The following NAV2 variants were observed in gnomAD, a reference collection of about 807,000 sequenced individuals.
NAV2 encodes the protein neuron navigator 2, also known as helicase, APC down-regulated 1.
In NAV2, 54 loss-of-function variants were observed where a neutral mutation model predicts 223.2. That is an observed-to-expected ratio of 0.24 (90% CI 0.19 to 0.30). The LOEUF (loss-of-function observed/expected upper bound fraction) is 0.30, where lower values mean the gene tolerates loss of function less well. Among genes scored for constraint, NAV2 ranks in the 10% least tolerant of loss-of-function variants. The pLI is 1.00. For missense variants in NAV2, 2,806 were observed against 3,147.5 expected (o/e 0.89, Z 2.60); for synonymous variants, 1,279 against 1,239.3 (o/e 1.03, Z -0.67).
intron 1 of NAV2, among the ~76,000 whole-genome samples, chr11:19,759,058 A>G (rs11025243): frequency 0.1 from 15,241 of 151,056 alleles, 871 homozygotes; most frequent in South Asian, 0.15. Context: ...ATTGATCAGA[A>G]TGAAATCATA....
intron 1 of NAV2, among the ~76,000 whole-genome samples, chr11:19,707,036 A>AT (rs2049685754): frequency 6.6e-6 from 1 of 152,294 alleles, no homozygotes; most frequent in African/African-American, 2.4e-5. Context: ...AGTATAAAAG[A>AT]TTTTTTTAAA....
At chr11:19,647,292 C>T (rs1355554284) in intron 1 of NAV2, among the ~76,000 whole-genome samples, 2 of 152,254 alleles carry the variant, frequency 1.3e-5, no homozygotes, top group East Asian at 1.9e-4. Context: ...TCAGTTGATG[C>T]CACCATGGAA....
chr11:19,429,753 CA>C (rs1241321916), intron 1 of NAV2, among the ~76,000 whole-genome samples: 1 of 152,200 alleles, frequency 6.6e-6, no homozygotes, highest in Non-Finnish European at 1.5e-5. Context: ...CTCCATTTGA[CA>C]GATGATGAAG....
intron 11 of NAV2, among the ~76,000 whole-genome samples, chr11:19,986,230 A>G (rs1381615014): frequency 6.6e-6 from 1 of 152,188 alleles, no homozygotes; most frequent in Non-Finnish European, 1.5e-5. Flanking sequence ...AGCACTTGTT[A>G]GGTTGTTTTA....
Position 19,902,437 on chromosome 11 carries a change from T to C in NAV2, c.931+9843T>C, listed in dbSNP as rs184673240. 2.5e-3 allele frequency among the ~76,000 whole-genome samples: 384 copies of C among 152,240 alleles called. 6 individuals are homozygous for C. The highest frequency in any genetic ancestry group is 5.4e-4 in the Non-Finnish European group (37 of 68,040). ...ATTTCAAAACCAATGTGTGAACTTA[T>C]GGTTCTGCTATATATCCTTTCTCTA... On this transcript the variant is annotated intron_variant, in intron 6 of 37. Coordinates refer to ENST00000349880, the MANE Select transcript of NAV2 (RefSeq NM_145117.5).
At chr11:19,758,195 A>T (rs2054396159) in intron 1 of NAV2, among the ~76,000 whole-genome samples, 1 of 152,236 alleles carries the variant, frequency 6.6e-6, no homozygotes, top group South Asian at 2.1e-4. Context: ...CACAAGAATG[A>T]ACAAAACAGG....
chr11:19,604,898 C>T (rs1229431764), intron 1 of NAV2, among the ~76,000 whole-genome samples: 1 of 152,214 alleles, frequency 6.6e-6, no homozygotes, highest in Non-Finnish European at 1.5e-5. Flanking sequence ...CAAGCTCTCT[C>T]TTTGCCTGCT....
chr11:19,621,763 C>T (rs539567316), intron 1 of NAV2, among the ~76,000 whole-genome samples: 5 of 152,072 alleles, frequency 3.3e-5, no homozygotes, highest in South Asian at 2.1e-4. Flanking sequence ...CCTTCAGTTC[C>T]GCTCTGATCT....
At chr11:20,012,168 C>A (rs2053612789) in intron 11 of NAV2, among the ~76,000 whole-genome samples, 1 of 152,246 alleles carries the variant, frequency 6.6e-6, no homozygotes, top group Non-Finnish European at 1.5e-5. Flanking sequence ...AGCTAGCTCC[C>A]TGCAGCTGAA....
At chr11:20,100,856 C>T in intron 31 of NAV2, 81 bp from the exon 32 acceptor site, 1 of 1,207,480 alleles carries the variant, frequency 8.3e-7, no homozygotes, top group Non-Finnish European at 1.2e-6. Context: ...CACCTCAGGT[C>T]TTGGCAGTCC....
intron 1 of NAV2, among the ~76,000 whole-genome samples, chr11:19,554,508 G>A (rs771270952): frequency 6.6e-6 from 1 of 152,192 alleles, no homozygotes; most frequent in Non-Finnish European, 1.5e-5. Flanking sequence ...CCCAAAGCTA[G>A]TAGAGGCGCC....
At chr11:19,645,588 A>T (rs1419172014) in intron 1 of NAV2, among the ~76,000 whole-genome samples, 2 of 152,104 alleles carry the variant, frequency 1.3e-5, no homozygotes, top group Admixed American at 1.3e-4. Context: ...AACTAACAAC[A>T]TGTAGAGTTA....
intron 11 of NAV2, among the ~76,000 whole-genome samples, chr11:20,014,401 A>G (rs1214137318): frequency 6.6e-6 from 1 of 152,214 alleles, no homozygotes; most frequent in Admixed American, 6.5e-5. Context: ...AGCACCCTTA[A>G]TAAAATATAG....
intron 1 of NAV2, among the ~76,000 whole-genome samples, chr11:19,686,002 C>T (rs1308504443): frequency 2.6e-5 from 4 of 152,038 alleles, no homozygotes; most frequent in Admixed American, 6.5e-5. Flanking sequence ...TCAGCATGCT[C>T]AGGAGATCTT....
rs61144598 is a variant in NAV2 at position 19,482,924 on chromosome 11, T to C, written c.75+131897T>C. Among the ~76,000 whole-genome samples, 30 of 152,306 alleles carry C rather than the reference T, an allele frequency of 2.0e-4. No homozygotes were observed. In the East Asian group the frequency reaches 5.0e-3, roughly 25 times the overall value. ...CATGCATGTATGGATTGTAGGGAGT[T>C]GTTCATAGGGAGAGATGAGGCAAGG... is the stretch of plus-strand genomic sequence containing the variant. On this transcript the variant is annotated intron_variant, in intron 1 of 37. Coordinates refer to the NAV2 transcript ENST00000360655.
At chr11:19,724,085 G>A (rs1009452823) in intron 1 of NAV2, among the ~76,000 whole-genome samples, 1 of 152,336 alleles carries the variant, frequency 6.6e-6, no homozygotes, top group Non-Finnish European at 1.5e-5. Flanking sequence ...TAGGACATCT[G>A]AGCCAGAGGA....
At chr11:19,844,450 C>T (rs2060676307) in intron 3 of NAV2, among the ~76,000 whole-genome samples, 1 of 152,164 alleles carries the variant, frequency 6.6e-6, no homozygotes, top group Non-Finnish European at 1.5e-5. Context: ...CAAGCTTATA[C>T]AGATTGAGTA....
chr11:19,933,561 CGAG>C lies in NAV2; in HGVS notation c.1321_1323del (p.Glu441del), dbSNP rs770002565. The C allele has an allele frequency of 6.2e-7, 1 of 1,610,048 alleles. No homozygotes were observed. The highest frequency in any genetic ancestry group is 2.2e-5 in the East Asian group (1 of 44,788). On this transcript the variant is annotated inframe_deletion, in exon 7 of 38. Transcript: ENST00000349880. This position sits in a 1 kb window ranked among gnomAD's most constrained non-coding sequence, Gnocchi z 4.3. Reference sequence around the variant, plus strand: ...AGACTCTGCCCAGCTTCGAAGAGAGCGAGGAGCTGGAGGCCGCCAGTCGCATGC... The same window carrying C: ...AGACTCTGCCCAGCTTCGAAGAGAGCGAGCTGGAGGCCGCCAGTCGCATGC...
rs1159107936 is a variant in NAV2 at position 19,948,960 on chromosome 11, A to C, written c.2525A>C (p.Asp842Ala). ...ASRGSSVCHV[D>A]VSDKAGDEMD... ...CGGGGCAGTAGTGTCTGCCATGTGG[A>C]CGTCTCAGACAAGGCAGGAGATGAG... The change falls in exon 10 of 38, where the codon GAC becomes GCC. Residue 842 changes from aspartate (D) to alanine (A), a missense_variant. By Grantham distance (126) the Asp-to-Ala change is moderately radical. Transcript: ENST00000349880. 6.2e-7 allele frequency: 1 copy of C among 1,613,940 alleles called. No homozygotes were observed.
Sources: gnomAD v4.1 joint callset for allele counts (sites outside exome capture counted in the v4.1 genomes callset) on GRCh38, gnomAD v4.1.1 for gene constraint, Gnocchi (gnomAD v3.1) non-coding constraint, MANE v1.5 for transcripts, NCBI Gene and HGNC (gene_info 2026-07-23, HGNC 2026-07-21) for gene names.